Variants in ZNF678 observed in about 807,000 individuals in gnomAD.
ZNF678 encodes hypothetical protein MGC42493.
Under a neutral mutation model 3.0 loss-of-function variants are expected in ZNF678, and 5 were observed. The ratio of observed to expected loss-of-function variants is 1.69; its 90% CI spans 0.88 to 3.56. The LOEUF (loss-of-function observed/expected upper bound fraction) is 3.56, where lower values mean the gene tolerates loss of function less well. ZNF678 is among the 30% of genes most tolerant of loss of function. ZNF678 has a pLI of 0.00. For missense variants in ZNF678, 593 were observed against 605.0 expected (o/e 0.98, Z 0.21); for synonymous variants, 218 against 199.6 (o/e 1.09, Z -0.78).
intron 1 of ZNF678, among the ~76,000 whole-genome samples, chr1:227,615,162 T>A (rs940158559): frequency 2.0e-5 from 3 of 152,206 alleles, no homozygotes; most frequent in Admixed American, 1.3e-4. Flanking sequence ...ATTTACTGAA[T>A]CTCAACTACT....
chr1:227,678,807 C>G (rs1467883309), downstream of ZNF678, among the ~76,000 whole-genome samples: 4 of 152,082 alleles, frequency 2.6e-5, no homozygotes, highest in East Asian at 7.7e-4. Flanking sequence ...GAATTTAGGC[C>G]TAAAACCAAA....
chr1:227,579,186 C>T (rs889501628), intron 1 of ZNF678, among the ~76,000 whole-genome samples: 1 of 152,012 alleles, frequency 6.6e-6, no homozygotes, highest in Admixed American at 6.6e-5. Context: ...GCTTGCCATG[C>T]TACAGGCGTT....
downstream of ZNF678, among the ~76,000 whole-genome samples, chr1:227,663,226 G>C (rs147475705): frequency 1.3e-5 from 2 of 152,206 alleles, no homozygotes; most frequent in African/African-American, 4.8e-5. Flanking sequence ...AGTTTGTGAT[G>C]CTGTATTATG....
rs1659271298 is a variant in ZNF678 at position 227,657,146 on chromosome 1, C to T, written c.*1318C>T. On this transcript the variant is annotated 3_prime_UTR_variant, in exon 4 of 4. Transcript: ENST00000343776. ...ACTCATGAATGGATTGGTGTTCTTA[C>T]CACTGCAGTTAGTGTGTTCTCTGTT... 6.6e-6 allele frequency: 1 copy of T among 151,614 alleles called. No homozygotes were observed. The highest frequency in any genetic ancestry group is 6.6e-5 in the Admixed American group (1 of 15,204). 9.4% of individuals were successfully genotyped at this position (151,614 alleles called of 1,614,324 possible). A position where few individuals can be genotyped will look rare whatever the true frequency, so the allele number is the denominator to read the frequency against.
rs552548711 is a variant in ZNF678, at chr1:227,576,965, G to A, written c.-164+13241G>A. Among the ~76,000 whole-genome samples, 3 of 152,214 alleles carry A rather than the reference G, an allele frequency of 2.0e-5. No individual in the cohort carries two copies. The South Asian group carries it at 6.2e-4, about 32-fold the overall frequency. ...TCTCATTAGTTTCAAAGAACTTCCT[G>A]ACTTCCACCTTAATTTTATTATTTG... On this transcript the variant is annotated intron_variant, in intron 1 of 3. Coordinates refer to ENST00000343776, the MANE Select transcript of ZNF678 (RefSeq NM_001367909.1).
intron 1 of ZNF678, among the ~76,000 whole-genome samples, chr1:227,640,357 A>T (rs1658789135): frequency 6.6e-6 from 1 of 152,006 alleles, no homozygotes; most frequent in African/African-American, 2.4e-5. Flanking sequence ...GGGGTTAAAG[A>T]AGATGGTTGA....
At chr1:227,625,441 G>C (rs771466888) in intron 1 of ZNF678, among the ~76,000 whole-genome samples, 2 of 152,158 alleles carry the variant, frequency 1.3e-5, no homozygotes, top group African/African-American at 4.8e-5. Context: ...CTAGCAGGCC[G>C]GTCCAGGGGT....
At chr1:227,585,081 A>G (rs1008395794) in intron 1 of ZNF678, among the ~76,000 whole-genome samples, 1 of 152,176 alleles carries the variant, frequency 6.6e-6, no homozygotes, top group Non-Finnish European at 1.5e-5. Flanking sequence ...AGAAGAGACA[A>G]ATTTTTTCTA....
At chr1:227,567,932 G>T (rs1487435148) in intron 1 of ZNF678, among the ~76,000 whole-genome samples, 1 of 152,094 alleles carries the variant, frequency 6.6e-6, no homozygotes, top group East Asian at 1.9e-4. Flanking sequence ...GCAGAAAAGG[G>T]CTTTATTTAA....
chr1:227,596,072 A>G (rs1657578826), intron 1 of ZNF678, among the ~76,000 whole-genome samples: 1 of 152,066 alleles, frequency 6.6e-6, no homozygotes, highest in Admixed American at 6.5e-5. Flanking sequence ...TTGATCCTCC[A>G]TGGGAGCCTG....
At chr1:227,593,055 G>A (rs1460483064) in intron 1 of ZNF678, among the ~76,000 whole-genome samples, 2 of 152,248 alleles carry the variant, frequency 1.3e-5, no homozygotes, top group African/African-American at 4.8e-5. Flanking sequence ...GAAGCTGGAT[G>A]GCCCTTGGGG....
intron 1 of ZNF678, among the ~76,000 whole-genome samples, chr1:227,591,057 A>AT (rs926560494): frequency 6.6e-6 from 1 of 151,816 alleles, no homozygotes; most frequent in African/African-American, 2.4e-5. Context: ...ATGAAGTGAC[A>AT]TTGAGAGACT....
intron 1 of ZNF678, among the ~76,000 whole-genome samples, chr1:227,578,640 T>A (rs1380226895): frequency 6.6e-6 from 1 of 152,230 alleles, no homozygotes; most frequent in Admixed American, 6.5e-5. Context: ...AGCTCTTGCA[T>A]TGTTTTGTCA....
At chr1:227,566,861 A>G (rs764245069) in intron 1 of ZNF678, among the ~76,000 whole-genome samples, 2 of 148,338 alleles carry the variant, frequency 1.3e-5, no homozygotes, top group African/African-American at 2.5e-5. Context: ...GTTCTGTTCT[A>G]TTTTAAGGGT....
intron 1 of ZNF678, among the ~76,000 whole-genome samples, chr1:227,610,646 C>T (rs776537790): frequency 9.2e-5 from 14 of 152,184 alleles, no homozygotes; most frequent in Non-Finnish European, 1.6e-4. Context: ...GTGACTATTT[C>T]CTGTCATTGG....
At chr1:227,651,215 G>C in intron 3 of ZNF678, 139 bp downstream of exon 3, 1 of 880,940 alleles carries the variant, frequency 1.1e-6, no homozygotes, top group East Asian at 2.7e-5. Context: ...ATTACCAGGG[G>C]CTTGTGTGCT....
chr1:227,636,377 A>G (rs1483787100), intron 1 of ZNF678, among the ~76,000 whole-genome samples: 2 of 152,202 alleles, frequency 1.3e-5, no homozygotes, highest in Non-Finnish European at 2.9e-5. Flanking sequence ...CTCTTCTTCT[A>G]ATAAGTAGTT....
intron 1 of ZNF678, among the ~76,000 whole-genome samples, chr1:227,625,350 G>T (rs1430379080): frequency 1.3e-5 from 2 of 152,148 alleles, no homozygotes; most frequent in African/African-American, 4.8e-5. Context: ...GCTTCCTGCT[G>T]AATTGGGGCC....
At chr1:227,627,381 G>T (rs1658444990) in intron 1 of ZNF678, among the ~76,000 whole-genome samples, 1 of 152,022 alleles carries the variant, frequency 6.6e-6, no homozygotes, top group African/African-American at 2.4e-5. Flanking sequence ...TCCTGAAGGG[G>T]ATTACCCTGT....
Sources: gnomAD v4.1 joint callset for allele counts (sites outside exome capture counted in the v4.1 genomes callset) on GRCh38, gnomAD v4.1.1 for gene constraint, MANE v1.5 for transcripts, NCBI Gene and HGNC (gene_info 2026-07-23, HGNC 2026-07-21) for gene names.